The following GAD2 variants were observed in gnomAD, a reference collection of about 807,000 sequenced individuals.
GAD2 encodes the protein 65 kDa glutamic acid decarboxylase.
GAD2 carries 22 observed loss-of-function variants against 80.1 expected under a neutral mutation model. The observed-to-expected ratio is 0.27, with a 90% CI of 0.20 to 0.39. GAD2 has a LOEUF of 0.39. Ranked by LOEUF, GAD2 falls within the 10% of genes least tolerant of loss-of-function variation. The probability of loss-of-function intolerance (pLI) is 1.00; values close to 1 mark genes in which losing one functional copy is unlikely to be tolerated. For missense variants in GAD2, 624 were observed against 738.4 expected, an observed-to-expected ratio of 0.85 and a Z score of 1.80; for synonymous variants, 274 against 256.9, an observed-to-expected ratio of 1.07 and a Z score of -0.64.
At chr10:26,299,233 T>C (rs1299579023) in intron 15 of GAD2, among the ~76,000 whole-genome samples, 1 of 152,214 alleles carries the variant, frequency 6.6e-6, no homozygotes, top group African/African-American at 2.4e-5. Flanking sequence ...AGATGAAAAC[T>C]TCATTATAAA....
chr10:26,258,556 T>C (rs1390125826), intron 8 of GAD2, among the ~76,000 whole-genome samples: 2 of 151,974 alleles, frequency 1.3e-5, no homozygotes, highest in African/African-American at 4.8e-5. Context: ...CTCCCCACTA[T>C]CCCCAGGAAA....
chr10:26,292,055 G>A (rs1297635002), intron 13 of GAD2, among the ~76,000 whole-genome samples: 2 of 152,188 alleles, frequency 1.3e-5, no homozygotes, highest in Non-Finnish European at 2.9e-5. Context: ...TGGAAAATGT[G>A]CACGTTGGAG....
intron 13 of GAD2, among the ~76,000 whole-genome samples, chr10:26,289,798 T>G (rs1379051776): frequency 6.6e-6 from 1 of 151,026 alleles, no homozygotes; most frequent in Non-Finnish European, 1.5e-5. Context: ...CCCACCTTTT[T>G]TTTTTTTTTT....
chr10:26,218,260 G>C (rs1248037523), intron 3 of GAD2: 6 of 378,418 alleles, frequency 1.6e-5, no homozygotes, highest in Non-Finnish European at 2.3e-5. Context: ...GGTGGCCGAC[G>C]ATCCAGGCGC....
Position 26,216,926 on chromosome 10 carries a change from G to C in GAD2, c.76+41G>C. On this transcript the variant is annotated intron_variant, in intron 1 of 15. Transcript: ENST00000376261. This position sits in a 1 kb window ranked among gnomAD's most constrained non-coding sequence, Gnocchi z 4.7. ...GGGGCCTGCGGCGGGCGAGTTTTGC[G>C]GTGGTCTGGGGTTTGCGGAACTACG... The C allele has an allele frequency of 6.5e-7, 1 of 1,546,942 alleles. No individual in the cohort carries two copies. The highest frequency in any genetic ancestry group is 1.7e-5 in the Admixed American group (1 of 57,854).
chr10:26,238,005 G>GACACACACACACACACAC (rs58551669), intron 7 of GAD2, among the ~76,000 whole-genome samples: 1 of 118,244 alleles, frequency 8.5e-6, no homozygotes, highest in African/African-American at 3.8e-5. Context: ...CCATCACACA[G>GACACACACACACACACAC]ACACACACAC....
chr10:26,257,526 T>C (rs1844958674), intron 8 of GAD2, among the ~76,000 whole-genome samples: 2 of 152,368 alleles, frequency 1.3e-5, no homozygotes, highest in African/African-American at 4.8e-5. Flanking sequence ...AAAATAAATC[T>C]GACCAAGACG....
At chr10:26,254,949 G>A (rs563691943) in intron 8 of GAD2, among the ~76,000 whole-genome samples, 1 of 152,360 alleles carries the variant, frequency 6.6e-6, no homozygotes, top group Non-Finnish European at 1.5e-5. Context: ...TCTGAGATAA[G>A]GGACCCTGTC....
At chr10:26,283,650 C>T (rs1422476311) in intron 12 of GAD2, among the ~76,000 whole-genome samples, 1 of 152,158 alleles carries the variant, frequency 6.6e-6, no homozygotes, top group Non-Finnish European at 1.5e-5. Flanking sequence ...ACCAAATTGT[C>T]CATGGGGTTC....
At chr10:26,266,699 T>A (rs953633859) in intron 8 of GAD2, among the ~76,000 whole-genome samples, 2 of 152,214 alleles carry the variant, frequency 1.3e-5, no homozygotes, top group African/African-American at 4.8e-5. Flanking sequence ...TACTCCCTCC[T>A]TCTGCCCAAA....
chr10:26,278,434 T>G (rs1188997603), intron 11 of GAD2, among the ~76,000 whole-genome samples: 1 of 152,234 alleles, frequency 6.6e-6, no homozygotes, highest in African/African-American at 2.4e-5. Flanking sequence ...CATATTATTA[T>G]TCTCCTTTTC....
chr10:26,260,271 TA>T (rs1442099420), intron 8 of GAD2, among the ~76,000 whole-genome samples: 6 of 152,178 alleles, frequency 3.9e-5, no homozygotes, highest in Non-Finnish European at 5.9e-5. Context: ...CTTTTACTAT[TA>T]AAAAATGCTA....
At chr10:26,299,767 T>C (rs1282659697) in intron 15 of GAD2, among the ~76,000 whole-genome samples, 1 of 152,206 alleles carries the variant, frequency 6.6e-6, no homozygotes, top group Non-Finnish European at 1.5e-5. Flanking sequence ...TCATGGATGA[T>C]ATGTTTACAG....
At chr10:26,296,121 A>G (rs1485152694) in intron 15 of GAD2, among the ~76,000 whole-genome samples, 1 of 152,164 alleles carries the variant, frequency 6.6e-6, no homozygotes, top group South Asian at 2.1e-4. Context: ...CTGGTTCGTC[A>G]ATGGCCTTTT....
intron 6 of GAD2, among the ~76,000 whole-genome samples, chr10:26,225,912 T>C (rs1282117958): frequency 6.6e-6 from 1 of 152,190 alleles, no homozygotes; most frequent in African/African-American, 2.4e-5. Flanking sequence ...GCCATCCCTG[T>C]TGAGGGAGCT....
At chr10:26,224,046 T>G in intron 5 of GAD2, 69 bp downstream of exon 5, 1 of 1,128,566 alleles carries the variant, frequency 8.9e-7, no homozygotes, top group Non-Finnish European at 1.3e-6. Flanking sequence ...TCTTTACATC[T>G]TATGTGAAAA....
rs558942627 is a variant in GAD2 at position 26,303,653 on chromosome 10, T to C, written c.*2692T>C. 7 of 152,358 alleles carry C rather than the reference T, an allele frequency of 4.6e-5. No individual in the cohort carries two copies. The highest frequency in any genetic ancestry group is 6.5e-5 in the Admixed American group (1 of 15,306). 9.4% of individuals were successfully genotyped at this position (152,358 alleles called of 1,614,324 possible). ...ATGGCCATTTTCATTTATACAGCAA[T>C]ATTGTGTTTATCATTTAAAATACTT... On this transcript the variant is annotated 3_prime_UTR_variant, in exon 16 of 16. Transcript: ENST00000376261.
rs7067571 is a variant in GAD2 at position 26,276,705 on chromosome 10, G to A, written c.1157+3005G>A. On this transcript the variant is annotated intron_variant, in intron 11 of 15. Transcript: ENST00000376261. ...GCCGGCTTCTGTGCATCAGACTGAC[G>A]CGTCTTTAGTCTCTCCTGCCCACAG... Among the ~76,000 whole-genome samples the A allele has an allele frequency of 8.5e-5, 13 of 152,130 alleles. No homozygotes were observed. The South Asian group carries it at 1.0e-3, about 12-fold the overall frequency.
chr10:26,274,834 A>G (rs1016815958), intron 11 of GAD2, among the ~76,000 whole-genome samples: 1 of 152,182 alleles, frequency 6.6e-6, no homozygotes, highest in African/African-American at 2.4e-5. Flanking sequence ...GGCAAAAAAG[A>G]GTTGGGATAC....
Sources: allele counts gnomAD v4.1 joint callset (sites outside exome capture counted in the v4.1 genomes callset), GRCh38; gene constraint gnomAD v4.1.1; non-coding constraint Gnocchi (gnomAD v3.1); transcripts MANE v1.5; gene names NCBI Gene and HGNC (gene_info 2026-07-23, HGNC 2026-07-21).